Variants in KCNIP4 observed in about 807,000 individuals in gnomAD.
The protein encoded by KCNIP4 is Kv channel-interacting protein 4.
In KCNIP4, 12 loss-of-function variants were observed where a neutral mutation model predicts 34.0. That is an observed-to-expected ratio of 0.35 (90% confidence interval 0.23 to 0.57). KCNIP4 has a LOEUF of 0.57. KCNIP4 is among the 20% of genes least tolerant of loss of function. The pLI is 0.83. For synonymous variants in KCNIP4, 124 were observed against 102.2 expected (o/e 1.21, Z -1.29); for missense variants, 238 against 311.7 (o/e 0.76, Z 1.78).
chr4:21,575,229 A>G (rs1274728811), intron 1 of KCNIP4, among the ~76,000 whole-genome samples: 2 of 152,156 alleles, frequency 1.3e-5, no homozygotes, highest in Non-Finnish European at 2.9e-5. Context: ...ACTTGAAATA[A>G]GTAGAAGTAA....
At chr4:21,874,189 T>A (rs868745) in intron 1 of KCNIP4, among the ~76,000 whole-genome samples, 55,302 of 152,200 alleles carry the variant, frequency 0.36, 12,074 homozygotes, top group East Asian at 0.64. Context: ...ACACAACATG[T>A]TAAGTCTAAA....
At chr4:21,354,814 G>A (rs1038408685) in intron 1 of KCNIP4, among the ~76,000 whole-genome samples, 1 of 152,186 alleles carries the variant, frequency 6.6e-6, no homozygotes, top group African/African-American at 2.4e-5. Flanking sequence ...GACATCTACA[G>A]AACTCTCCAC....
At chr4:20,941,176 G>A (rs1731603539) in intron 1 of KCNIP4, among the ~76,000 whole-genome samples, 1 of 152,164 alleles carries the variant, frequency 6.6e-6, no homozygotes, top group Admixed American at 6.6e-5. Flanking sequence ...CTATTTGCAT[G>A]CTCTCTAATT....
chr4:20,761,139 A>T (rs1272535337), intron 3 of KCNIP4, among the ~76,000 whole-genome samples: 1 of 152,100 alleles, frequency 6.6e-6, no homozygotes, highest in Non-Finnish European at 1.5e-5. Flanking sequence ...TTCTTCAGAC[A>T]TCATCTGTAA....
rs1553924049 is a variant in KCNIP4, at chr4:21,715,089, A to ATTTAT, written c.61+233477_61+233481dup. Among the ~76,000 whole-genome samples, 19 of 15,268 alleles carry ATTTAT rather than the reference A, an allele frequency of 1.2e-3. 8 individuals are homozygous for ATTTAT. In the African/African-American group the frequency reaches 0.028, roughly 22 times the overall value. The allele number at this position is 15,268 out of a possible 152,430, so 10.0% of individuals were successfully genotyped here. ...ATTTTATTTTATTTTATTTTATTTT[A>ATTTAT]TTTATTTTTGAGATGGAGTCTGGCT... On this transcript the variant is annotated intron_variant, in intron 1 of 8. Transcript: ENST00000382152.
chr4:21,664,211 A>C (rs566865114), intron 1 of KCNIP4, among the ~76,000 whole-genome samples: 1 of 152,272 alleles, frequency 6.6e-6, no homozygotes, highest in African/African-American at 2.4e-5. Context: ...AGCCTCCAAA[A>C]GTGCTGGCAT....
At chr4:21,086,494 A>T (rs1436860606) in intron 1 of KCNIP4, among the ~76,000 whole-genome samples, 1 of 152,226 alleles carries the variant, frequency 6.6e-6, no homozygotes, top group African/African-American at 2.4e-5. Flanking sequence ...ATGCAATTAA[A>T]AATATATGAT....
intron 1 of KCNIP4, among the ~76,000 whole-genome samples, chr4:21,365,380 G>A (rs1490800666): frequency 1.3e-5 from 2 of 151,772 alleles, no homozygotes; most frequent in Non-Finnish European, 2.9e-5. Flanking sequence ...AGCTACTCTG[G>A]AGGCTGAGAC....
intron 1 of KCNIP4, among the ~76,000 whole-genome samples, chr4:21,064,410 A>G (rs181545913): frequency 6.6e-6 from 1 of 152,128 alleles, no homozygotes. Flanking sequence ...ACAGGAAAAA[A>G]AAAAAAAGAA....
intron 1 of KCNIP4, among the ~76,000 whole-genome samples, chr4:21,369,327 T>C (rs1204193771): frequency 1.4e-5 from 2 of 147,474 alleles, no homozygotes; most frequent in East Asian, 2.0e-4. Flanking sequence ...TAATAAGATA[T>C]ATTTCTTGCC....
chr4:21,785,621 A>T (rs1030609572), intron 1 of KCNIP4, among the ~76,000 whole-genome samples: 2 of 151,934 alleles, frequency 1.3e-5, no homozygotes, highest in African/African-American at 2.4e-5. Context: ...AAATAAAATA[A>T]AAAAATAACC....
At chr4:21,231,128 A>C (rs1758759091) in intron 1 of KCNIP4, among the ~76,000 whole-genome samples, 1 of 152,130 alleles carries the variant, frequency 6.6e-6, no homozygotes, top group Non-Finnish European at 1.5e-5. Context: ...TGGCCTGACT[A>C]TCATAGAAAT....
chr4:21,883,303 G>A (rs562249382), intron 1 of KCNIP4, among the ~76,000 whole-genome samples: 1 of 151,858 alleles, frequency 6.6e-6, no homozygotes, highest in African/African-American at 2.4e-5. Flanking sequence ...GCACCAGCAT[G>A]CCTAGCTAAT....
At chr4:20,769,956 C>T (rs1398227879) in intron 3 of KCNIP4, among the ~76,000 whole-genome samples, 2 of 152,220 alleles carry the variant, frequency 1.3e-5, no homozygotes, top group Non-Finnish European at 2.9e-5. Context: ...AAGATCATCT[C>T]TGTATCTTAA....
At chr4:21,537,036 G>T (rs1737234241) in intron 1 of KCNIP4, among the ~76,000 whole-genome samples, 3 of 152,064 alleles carry the variant, frequency 2.0e-5, no homozygotes, top group Non-Finnish European at 4.4e-5. Flanking sequence ...ATCACACTGA[G>T]GCCATAAAGT....
At chr4:21,619,484 G>A (rs1744858712) in intron 1 of KCNIP4, among the ~76,000 whole-genome samples, 1 of 152,154 alleles carries the variant, frequency 6.6e-6, no homozygotes, top group Non-Finnish European at 1.5e-5. Context: ...TAGAAGACAT[G>A]CAATCAGACA....
rs1032383627 is a variant in KCNIP4 at position 20,871,252 on chromosome 4, C to A, written c.163+11356G>T. Among the ~76,000 whole-genome samples the A allele has an allele frequency of 5.3e-5, 8 of 152,138 alleles. No individual in the cohort carries two copies. In the South Asian group the frequency reaches 8.3e-4, roughly 16 times the overall value. The stretch of plus-strand genomic sequence containing the variant: ...GCCTGAAATTCTAATGGAAGAGTCA[C>A]CAATTGGACATCGGAGTGGCAATGT... On this transcript the variant is annotated intron_variant, in intron 2 of 8. Coordinates refer to ENST00000382152, the MANE Select transcript of KCNIP4 (RefSeq NM_025221.6).
chr4:21,199,138 G>A (rs1308253992), intron 1 of KCNIP4, among the ~76,000 whole-genome samples: 2 of 152,186 alleles, frequency 1.3e-5, no homozygotes, highest in African/African-American at 4.8e-5. Context: ...GATCCTTGAG[G>A]AATCGCCACA....
chr4:21,382,684 G>T (rs896412476), intron 1 of KCNIP4, among the ~76,000 whole-genome samples: 13 of 152,242 alleles, frequency 8.5e-5, no homozygotes, highest in African/African-American at 3.1e-4. Context: ...GATGCCTATT[G>T]CCACTTAATT....
Sources: allele counts gnomAD v4.1 joint callset (sites outside exome capture counted in the v4.1 genomes callset), GRCh38; gene constraint gnomAD v4.1.1; transcripts MANE v1.5; gene names NCBI Gene and HGNC (gene_info 2026-07-23, HGNC 2026-07-21).